RBFOX3: variants seen among roughly 807,000 people sequenced by gnomAD.
RBFOX3 encodes RNA binding protein fox-1 homolog 3.
A neutral mutation model predicts 48.7 loss-of-function variants in RBFOX3; 17 were observed. The ratio of observed to expected loss-of-function variants is 0.35; its 90% CI spans 0.24 to 0.52. RBFOX3 has a LOEUF of 0.52. RBFOX3 is among the 20% of genes least tolerant of loss of function. RBFOX3 has a pLI of 0.94. For missense variants in RBFOX3, 382 were observed against 497.5 expected (o/e 0.77, Z 2.21); for synonymous variants, 212 against 209.5 (o/e 1.01, Z -0.10).
Position 79,482,984 on chromosome 17 carries a change from C to A in RBFOX3, c.-319-386G>T, listed in dbSNP as rs2078985209. ...CGCCCGCTCTTGCTTCCTCCCCCAC[C>A]CAGCCTAGATTCCAGGACCCACCAC... On this transcript the variant is annotated intron_variant, in intron 1 of 14. Transcript: ENST00000693108. The surrounding 1 kb of genome is among the most constrained non-coding windows in gnomAD (Gnocchi z 4.1). 6.6e-6 allele frequency among the ~76,000 whole-genome samples: 1 copy of A among 151,974 alleles called. No homozygotes were observed. The highest frequency in any genetic ancestry group is 2.4e-5 in the African/African-American group (1 of 41,328).
At chr17:79,309,997 A>G (rs1448195980) in intron 2 of RBFOX3, among the ~76,000 whole-genome samples, 2 of 152,166 alleles carry the variant, frequency 1.3e-5, no homozygotes, top group East Asian at 3.9e-4. Context: ...ATTTGTGCAC[A>G]ACGCCCTAAA....
chr17:79,393,684 C>T (rs1489747554), intron 2 of RBFOX3, among the ~76,000 whole-genome samples: 2 of 150,854 alleles, frequency 1.3e-5, no homozygotes, highest in African/African-American at 4.9e-5. Context: ...CGCCACACAT[C>T]GTCTGAGCCG....
chr17:79,193,502 G>C (rs966494049), intron 4 of RBFOX3, among the ~76,000 whole-genome samples: 1 of 151,914 alleles, frequency 6.6e-6, no homozygotes, highest in African/African-American at 2.4e-5. Context: ...CAGCCCCATT[G>C]GATTTATTCC....
intron 3 of RBFOX3, among the ~76,000 whole-genome samples, chr17:79,282,745 C>G (rs1028699694): frequency 6.6e-6 from 1 of 152,236 alleles, no homozygotes; most frequent in Non-Finnish European, 1.5e-5. Flanking sequence ...CTCAGCCCAC[C>G]TCTTCCAAAC....
chr17:79,095,440 G>T, intron 13 of RBFOX3, 73 bp downstream of exon 13: 2 of 1,390,730 alleles, frequency 1.4e-6, no homozygotes, highest in Non-Finnish European at 2.0e-6. Flanking sequence ...GCCTGTCTGG[G>T]CCCAGCTCCC....
chr17:79,095,634 G>T, intron 12 of RBFOX3, 60 bp from the exon 13 acceptor site: 1 of 1,437,692 alleles, frequency 7.0e-7, no homozygotes, highest in Non-Finnish European at 9.6e-7. Context: ...CCAGGGAAAG[G>T]CTGAGTGGGG....
chr17:79,215,345 T>C (rs1264915036), intron 4 of RBFOX3, among the ~76,000 whole-genome samples: 3 of 152,328 alleles, frequency 2.0e-5, no homozygotes, highest in Non-Finnish European at 4.4e-5. Flanking sequence ...TCCAGACCTA[T>C]GAATGTGACC....
At chr17:79,279,249 T>C (rs2069669740) in intron 3 of RBFOX3, among the ~76,000 whole-genome samples, 1 of 152,242 alleles carries the variant, frequency 6.6e-6, no homozygotes, top group East Asian at 1.9e-4. Context: ...GTGTCTCTGC[T>C]TCTCTAGGTT....
In RBFOX3 at chr17:79,421,751, G is replaced by A. The variant is rs1555722477; in HGVS notation, c.-175+60703C>T. Among the ~76,000 whole-genome samples, 1 of 152,206 alleles carries A rather than the reference G, an allele frequency of 6.6e-6. No homozygotes were observed. The highest frequency in any genetic ancestry group is 1.5e-5 in the Non-Finnish European group (1 of 68,040). On this transcript the variant is annotated intron_variant, in intron 2 of 14. Transcript: ENST00000693108. This position sits in a 1 kb window ranked among gnomAD's most constrained non-coding sequence, Gnocchi z 4.5. Reference sequence around the variant, plus strand: ...AGCCTGAGGCCGGGGCAGCAGCCATGCTCTCTCCTCCTGTGGTGGGGAGGT... The same window carrying A: ...AGCCTGAGGCCGGGGCAGCAGCCATACTCTCTCCTCCTGTGGTGGGGAGGT...
intron 2 of RBFOX3, among the ~76,000 whole-genome samples, chr17:79,467,591 C>A (rs1246174838): frequency 2.6e-5 from 4 of 152,156 alleles, no homozygotes; most frequent in Admixed American, 2.6e-4. Context: ...CTTACCGCCA[C>A]CAGCAGCTCT....
At chr17:79,571,683 T>G (rs2144564501) in intron 1 of RBFOX3, among the ~76,000 whole-genome samples, 1 of 152,272 alleles carries the variant, frequency 6.6e-6, no homozygotes, top group East Asian at 1.9e-4. Flanking sequence ...GTTATCTTGC[T>G]GCATCGCACC....
In RBFOX3 at chr17:79,249,075, T is replaced by A. The variant is rs8065949; in HGVS notation, c.-73-13270A>T. ...CCAGAGCGAGGCTGCCTCCCCTGGG[T>A]CGGCAACGCCACCTCGCTTCCTGCA... On this transcript the variant is annotated intron_variant, in intron 3 of 14. Transcript: ENST00000693108. The surrounding 1 kb of genome is among the most constrained non-coding windows in gnomAD (Gnocchi z 4.1). Among the ~76,000 whole-genome samples, 5,921 of 152,202 alleles carry A rather than the reference T, an allele frequency of 0.039. 101 individuals carry two copies. The highest frequency in any genetic ancestry group is 0.058 in the Middle Eastern group (17 of 294).
chr17:79,343,777 G>A (rs935103388), intron 2 of RBFOX3, among the ~76,000 whole-genome samples: 34 of 152,268 alleles, frequency 2.2e-4, no homozygotes, highest in African/African-American at 7.9e-4. Flanking sequence ...TCATGAGACA[G>A]GTCCTGTCAG....
Position 79,320,878 on chromosome 17 carries a change from G to T in RBFOX3, c.-174-13054C>A, listed in dbSNP as rs550145525. Reference sequence around the variant, plus strand: ...GTCTGTCACCATCGCTAACAGGTAGGGGGAAAACAGATTATTCAGCCTCCT... The same window carrying T: ...GTCTGTCACCATCGCTAACAGGTAGTGGGAAAACAGATTATTCAGCCTCCT... On this transcript the variant is annotated intron_variant, in intron 2 of 14. Coordinates refer to ENST00000693108, the MANE Select transcript of RBFOX3 (RefSeq NM_001350451.2). Among the ~76,000 whole-genome samples, 220 of 152,256 alleles carry T rather than the reference G, an allele frequency of 1.4e-3. 1 individual carries two copies. The highest frequency in any genetic ancestry group is 5.1e-3 in the African/African-American group (213 of 41,536).
intron 1 of RBFOX3, among the ~76,000 whole-genome samples, chr17:79,512,117 C>A (rs1225631367): frequency 2.7e-5 from 3 of 112,598 alleles, no homozygotes; most frequent in East Asian, 3.0e-4. Flanking sequence ...CAGGGGACAC[C>A]CACCCAGATA....
intron 4 of RBFOX3, among the ~76,000 whole-genome samples, chr17:79,230,466 G>C (rs2085352): frequency 6.6e-6 from 1 of 151,318 alleles, no homozygotes; most frequent in African/African-American, 2.4e-5. Context: ...TCACCATGTT[G>C]GCCAGGCTGG....
rs1283771139 is a variant in RBFOX3, at chr17:79,101,616, G to A, written c.536C>T (p.Thr179Ile). Residue 179 changes from threonine to isoleucine, a missense_variant, in exon 9 of 15, where the codon ACC (threonine) becomes ATC (isoleucine). Thr to Ile is a moderately conservative substitution (Grantham distance 89, BLOSUM62 -1). This residue lies in a region of RBFOX3 where 215 missense variants were observed against 254.8 expected (regional missense o/e 0.84). Coordinates refer to ENST00000693108, the MANE Select transcript of RBFOX3 (RefSeq NM_001350451.2). The stretch of plus-strand genomic sequence containing the variant: ...GTAGGGGTTCCCCGTCTTCTTGTTG[G>A]TCATCACTCGGGCCGTGGCATTATT... The part of the protein sequence containing the change: ...EVNNATARVM[T>I]NKKTGNPYTN... 2 of 1,551,254 alleles carry A rather than the reference G, an allele frequency of 1.3e-6. No homozygotes were observed. Among genetic ancestry groups the A allele is most frequent in the South Asian group, 2.4e-5 (2 of 84,066 alleles).
chr17:79,404,263 G>A (rs1246883017), intron 2 of RBFOX3, among the ~76,000 whole-genome samples: 1 of 152,224 alleles, frequency 6.6e-6, no homozygotes, highest in East Asian at 1.9e-4. Flanking sequence ...GGCCACAGCG[G>A]TGGGAGCCCT....
chr17:79,275,619 G>C (rs571515233), intron 3 of RBFOX3, among the ~76,000 whole-genome samples: 1 of 152,154 alleles, frequency 6.6e-6, no homozygotes, highest in South Asian at 2.1e-4. Flanking sequence ...TATCAGGCAG[G>C]GTTGCCAGCA....
Sources: allele counts gnomAD v4.1 joint callset (sites outside exome capture counted in the v4.1 genomes callset), GRCh38; gene constraint gnomAD v4.1.1; regional missense constraint gnomAD v4.1.1; non-coding constraint Gnocchi (gnomAD v3.1); transcripts MANE v1.5; gene names NCBI Gene and HGNC (gene_info 2026-07-23, HGNC 2026-07-21).